The following RANBP17 variants were observed in gnomAD, a reference collection of about 807,000 sequenced individuals.
RANBP17 encodes ran-binding protein 17.
In RANBP17, 158 loss-of-function variants were observed where a neutral mutation model predicts 141.2. That is an observed-to-expected ratio of 1.12 (90% CI 0.98 to 1.28). RANBP17 has a LOEUF of 1.28. RANBP17 is among the 50% of genes most tolerant of loss of function. RANBP17 has a pLI of 0.00. For synonymous variants in RANBP17, 430 were observed against 450.0 expected (o/e 0.96, Z 0.56); for missense variants, 1,438 against 1,290.7 (o/e 1.11, Z -1.75).
At chr5:171,245,079 A>C (rs1449046733) in intron 24 of RANBP17, among the ~76,000 whole-genome samples, 3 of 151,994 alleles carry the variant, frequency 2.0e-5, no homozygotes, top group African/African-American at 4.8e-5. Flanking sequence ...CAGTGAGTCA[A>C]GATCATGCCA....
intron 12 of RANBP17, among the ~76,000 whole-genome samples, chr5:170,947,926 T>A (rs970952351): frequency 6.6e-6 from 1 of 152,194 alleles, no homozygotes; most frequent in African/African-American, 2.4e-5. Flanking sequence ...CACCAAATTC[T>A]ATTGGTCAAA....
chr5:171,086,187 T>C (rs1785637865), intron 14 of RANBP17, among the ~76,000 whole-genome samples: 1 of 139,256 alleles, frequency 7.2e-6, no homozygotes, highest in Admixed American at 7.3e-5. Context: ...TTGTTGAATT[T>C]TGTCAAAGGC....
chr5:171,153,917 C>G (rs999497207), intron 14 of RANBP17, among the ~76,000 whole-genome samples: 4 of 152,030 alleles, frequency 2.6e-5, no homozygotes, highest in African/African-American at 9.6e-5. Flanking sequence ...ATCCCAGCTA[C>G]TCGGGAGGGT....
chr5:171,067,010 G>T (rs1784350955), intron 14 of RANBP17, among the ~76,000 whole-genome samples: 1 of 151,974 alleles, frequency 6.6e-6, no homozygotes, highest in Non-Finnish European at 1.5e-5. Flanking sequence ...TAAAAATATA[G>T]GTTATTTTAA....
chr5:171,155,094 A>T (rs10059918), intron 14 of RANBP17, among the ~76,000 whole-genome samples: 4,731 of 74,766 alleles, frequency 0.063, 144 homozygotes, highest in African/African-American at 0.081. Context: ...AAAAAAAAAA[A>T]ATATATATAT....
intron 1 of RANBP17, among the ~76,000 whole-genome samples, chr5:170,863,896 C>T (rs1201916119): frequency 6.6e-6 from 1 of 152,202 alleles, no homozygotes; most frequent in Non-Finnish European, 1.5e-5. Flanking sequence ...AGCTTAAAAG[C>T]GGAGTTGGAC....
chr5:171,222,551 G>T (rs1763630053), intron 22 of RANBP17, among the ~76,000 whole-genome samples: 1 of 152,142 alleles, frequency 6.6e-6, no homozygotes, highest in Admixed American at 6.6e-5. Context: ...ATGTTTCCCT[G>T]TGTCCTTTTT....
chr5:170,879,843 T>C (rs1768515837), intron 2 of RANBP17, among the ~76,000 whole-genome samples: 1 of 152,198 alleles, frequency 6.6e-6, no homozygotes, highest in African/African-American at 2.4e-5. Flanking sequence ...ATTCAGATAC[T>C]GCTTCTCTAT....
chr5:171,218,593 A>G (rs1763364674), intron 21 of RANBP17, among the ~76,000 whole-genome samples: 2 of 152,036 alleles, frequency 1.3e-5, no homozygotes, highest in South Asian at 4.2e-4. Flanking sequence ...GTGCTCCTGT[A>G]TTGGGTGCAT....
chr5:171,099,505 G>A (rs929596630), intron 14 of RANBP17, among the ~76,000 whole-genome samples: 3 of 152,174 alleles, frequency 2.0e-5, no homozygotes, highest in Admixed American at 2.0e-4. Context: ...ATTTTGGGCT[G>A]AGATGTTGGG....
intron 13 of RANBP17, among the ~76,000 whole-genome samples, chr5:170,967,240 T>C (rs896531567): frequency 7.2e-5 from 11 of 152,102 alleles, no homozygotes; most frequent in Admixed American, 6.6e-4. Flanking sequence ...GAATCTGTAG[T>C]CATATTTGCC....
At position 171,047,442 on chromosome 5, in the gene RANBP17, GT is replaced by G. The variant is rs60072803; in HGVS notation, c.1710+79077del. ...GTCTTAACCCTTTTTTTTTTGTTTT[GT>G]TTTTTTTTTTTGAGATGGAGTCTCA... On this transcript the variant is annotated intron_variant, in intron 14 of 27. Coordinates refer to ENST00000523189, the MANE Select transcript of RANBP17 (RefSeq NM_022897.5). Among the ~76,000 whole-genome samples the G allele has an allele frequency of 5.0e-4, 65 of 129,426 alleles. No individual in the cohort carries two copies. The South Asian group carries it at 0.011, about 22-fold the overall frequency. The allele number at this position is 129,426 out of a possible 152,430, so 84.9% of individuals were successfully genotyped here.
chr5:171,079,405 G>A (rs1785126849), intron 14 of RANBP17, among the ~76,000 whole-genome samples: 1 of 152,234 alleles, frequency 6.6e-6, no homozygotes, highest in Non-Finnish European at 1.5e-5. Context: ...AGTTGATAAA[G>A]TGATGGCAAG....
chr5:171,025,585 C>CT (rs571015455), intron 14 of RANBP17, among the ~76,000 whole-genome samples: 23,067 of 137,208 alleles, frequency 0.17, 2,252 homozygotes, highest in African/African-American at 0.28. Flanking sequence ...TTCTTTTTTT[C>CT]TTTTTTTTTT....
chr5:171,160,358 T>C (rs1411341219), intron 14 of RANBP17, among the ~76,000 whole-genome samples: 2 of 152,208 alleles, frequency 1.3e-5, no homozygotes, highest in Non-Finnish European at 2.9e-5. Flanking sequence ...ATCTGTTTTC[T>C]AGTATCTAGT....
intron 16 of RANBP17, among the ~76,000 whole-genome samples, chr5:171,174,115 C>A (rs1207557008): frequency 1.3e-5 from 2 of 152,090 alleles, no homozygotes; most frequent in African/African-American, 2.4e-5. Flanking sequence ...ATTTTAAAAT[C>A]CAGTGACCTT....
intron 24 of RANBP17, among the ~76,000 whole-genome samples, chr5:171,251,105 T>A (rs2128003900): frequency 6.6e-6 from 1 of 152,332 alleles, no homozygotes; most frequent in Non-Finnish European, 1.5e-5. Flanking sequence ...AAATTTTTTT[T>A]AGAGACAGGG....
At chr5:171,008,916 G>T (rs551831222) in intron 14 of RANBP17, among the ~76,000 whole-genome samples, 39 of 152,256 alleles carry the variant, frequency 2.6e-4, no homozygotes, top group African/African-American at 9.1e-4. Flanking sequence ...AGCGTGTTTT[G>T]ATGACTATTA....
chr5:171,120,802 G>A (rs1418653995), intron 14 of RANBP17, among the ~76,000 whole-genome samples: 1 of 152,068 alleles, frequency 6.6e-6, no homozygotes, highest in African/African-American at 2.4e-5. Context: ...TGTGTCCCTA[G>A]GTTGATTTCT....
Sources: allele counts gnomAD v4.1 joint callset (sites outside exome capture counted in the v4.1 genomes callset), GRCh38; gene constraint gnomAD v4.1.1; transcripts MANE v1.5; gene names NCBI Gene and HGNC (gene_info 2026-07-23, HGNC 2026-07-21).